Variants in TTC4 observed in about 807,000 individuals in gnomAD.
TTC4 encodes the protein tetratricopeptide repeat domain 4.
In TTC4, 36 loss-of-function variants were observed where a neutral mutation model predicts 51.9. The ratio of observed to expected loss-of-function variants is 0.69; its 90% CI spans 0.53 to 0.92. TTC4 has a LOEUF of 0.92. TTC4 is among the 40% of genes least tolerant of loss of function. TTC4 has a pLI of 0.00. For missense variants in TTC4, 399 were observed against 454.6 expected (o/e 0.88, Z 1.11); for synonymous variants, 144 against 164.2 (o/e 0.88, Z 0.94).
chr1:54,735,745 G>C (rs1034877731), intron 8 of TTC4, among the ~76,000 whole-genome samples: 1 of 152,140 alleles, frequency 6.6e-6, no homozygotes, highest in Admixed American at 6.5e-5. Context: ...ATATCCCATT[G>C]CTCGTCAGAT....
At chr1:54,728,031 C>T (rs1275167032) in intron 5 of TTC4, among the ~76,000 whole-genome samples, 4 of 152,162 alleles carry the variant, frequency 2.6e-5, no homozygotes, top group Admixed American at 6.5e-5. Flanking sequence ...TCGTAGCACT[C>T]GGATCACACG....
intron 6 of TTC4, 75 bp from the exon 7 acceptor site, chr1:54,731,411 T>C: frequency 7.1e-7 from 1 of 1,402,118 alleles, no homozygotes; most frequent in Non-Finnish European, 9.7e-7. Context: ...GTTTCTTTAT[T>C]TCAGTAAAAT....
At chr1:54,719,248 A>C (rs1483421812) in intron 3 of TTC4, among the ~76,000 whole-genome samples, 2 of 131,106 alleles carry the variant, frequency 1.5e-5, no homozygotes, top group South Asian at 5.8e-4. Context: ...TTTTCAACCC[A>C]CCTTCACCCC....
chr1:54,738,410 G>C (rs997848174), intron 9 of TTC4, among the ~76,000 whole-genome samples: 4 of 152,178 alleles, frequency 2.6e-5, no homozygotes, highest in Non-Finnish European at 5.9e-5. Context: ...AGTAGAGCCA[G>C]GTTCTCATTC....
intron 7 of TTC4, among the ~76,000 whole-genome samples, chr1:54,733,246 C>T (rs149009497): frequency 0.053 from 7,920 of 150,566 alleles, 534 homozygotes; most frequent in African/African-American, 0.15. Context: ...GGGAGACCCC[C>T]ATCTCTACAA....
At position 54,719,264 on chromosome 1, in the gene TTC4, C is replaced by T. The variant is rs116192901; in HGVS notation, c.391+1611C>T. On this transcript the variant is annotated intron_variant, in intron 3 of 9. Transcript: ENST00000371281. ...TTTCAACCCACCTTCACCCCCACTTCCAGAGGTACCTGGTGCCATCAGTTC... is the reference window on the plus strand; with the variant it reads ...TTTCAACCCACCTTCACCCCCACTTTCAGAGGTACCTGGTGCCATCAGTTC... Among the ~76,000 whole-genome samples, 707 of 129,330 alleles carry T rather than the reference C, an allele frequency of 5.5e-3. 11 individuals carry two copies. Among genetic ancestry groups the T allele is most frequent in the African/African-American group, 0.02 (599 of 30,400 alleles). The allele number at this position is 129,330 out of a possible 152,430, so 84.8% of individuals were successfully genotyped here.
chr1:54,734,463 G>C (rs11488182), intron 8 of TTC4, among the ~76,000 whole-genome samples: 1 of 152,012 alleles, frequency 6.6e-6, no homozygotes, highest in East Asian at 1.9e-4. Context: ...ATCTCAGATC[G>C]TTGCAACCTT....
chr1:54,731,632 G>C lies in TTC4; in HGVS notation c.828G>C (p.Trp276Cys). The C allele has an allele frequency of 6.2e-7, 1 of 1,614,112 alleles. No individual in the cohort carries two copies. ...TAGATGGCCAGGGCAGGCTGAGCTG[G>C]CCTGTGCTCTTTCTGTACCCAGAGT... ...LSLDGQGRLSWPVLFLYPEYA... is the reference protein window; with the variant it reads ...LSLDGQGRLSCPVLFLYPEYA... Residue 276 changes from tryptophan (W) to cysteine (C), a missense_variant, in exon 7 of 10, where the codon TGG (tryptophan) becomes TGC (cysteine). Around this residue, in one of 3 missense-constraint regions of TTC4, gnomAD observed 316 missense variants for 349.6 expected, o/e 0.90. Transcript: ENST00000371281.
chr1:54,725,020 C>T (rs1398123587), intron 5 of TTC4, among the ~76,000 whole-genome samples: 1 of 152,174 alleles, frequency 6.6e-6, no homozygotes, highest in East Asian at 1.9e-4. Flanking sequence ...CCACAGTAGC[C>T]TTGAAAGCCA....
chr1:54,726,767 C>T (rs12078343), intron 5 of TTC4, among the ~76,000 whole-genome samples: 14,032 of 152,140 alleles, frequency 0.092, 915 homozygotes, highest in South Asian at 0.19. Flanking sequence ...ATTAGTGTAT[C>T]AATTCAGTGT....
In TTC4 at chr1:54,722,707, G is replaced by T. The variant is rs150644291; in HGVS notation, c.502G>T (p.Ala168Ser). ...ALCHLELKHFAEAVNWCDEGL... is the reference protein window; with the variant it reads ...ALCHLELKHFSEAVNWCDEGL... ...ATGCCATCTGGAACTGAAACACTTT[G>T]CCGAGGCCGTGAACTGGTGTGATGA... The change falls in exon 5 of 10, where the codon GCC (alanine) becomes TCC (serine). Residue 168 changes from alanine to serine, a missense_variant. Coordinates refer to ENST00000371281, the MANE Select transcript of TTC4 (RefSeq NM_004623.5). The T allele has an allele frequency of 1.1e-4, 172 of 1,613,732 alleles. No homozygotes were observed. The highest frequency in any genetic ancestry group is 1.4e-4 in the Non-Finnish European group (165 of 1,179,832).
In TTC4 at chr1:54,741,632, T is replaced by C; in HGVS notation, c.*119T>C. 1.2e-6 allele frequency: 1 copy of C among 844,476 alleles called. No homozygotes were observed. Among genetic ancestry groups the C allele is most frequent in the African/African-American group, 1.7e-5 (1 of 58,914 alleles). 52.3% of individuals were successfully genotyped at this position (844,476 alleles called of 1,614,324 possible). On this transcript the variant is annotated 3_prime_UTR_variant, in exon 10 of 10. Transcript: ENST00000371281. ...TTTCTTTCCGTCACCCTGGGGATAG[T>C]CCTTCCTGGCATCGTGGTGGGGGAG...
rs774180878 is a variant in TTC4 at position 54,731,743 on chromosome 1, GTC to G, written c.896+47_896+48del. Reference sequence around the variant, plus strand: ...AGCCCTCTGCTTTTGCTTGCATGCTGTCTCTGTTTTTGTGGCAGGAGGGACGA... The same window carrying G: ...AGCCCTCTGCTTTTGCTTGCATGCTGTCTGTTTTTGTGGCAGGAGGGACGA... On this transcript the variant is annotated intron_variant, in intron 7 of 9. Coordinates refer to ENST00000371281, the MANE Select transcript of TTC4 (RefSeq NM_004623.5). The G allele has an allele frequency of 3.8e-6, 6 of 1,584,684 alleles. No individual in the cohort carries two copies. The South Asian group carries it at 5.6e-5, about 15-fold the overall frequency.
chr1:54,716,061 TCCGGACTCGTGGGGCAC>T (rs1645671335), intron 1 of TTC4, 42 bp downstream of exon 1: 1 of 1,509,464 alleles, frequency 6.6e-7, no homozygotes, highest in Non-Finnish European at 9.0e-7. Context: ...AGGGGCGTCG[TCCGGACTCGTGGGGCAC>T]CCGGGCTCTG....
chr1:54,728,493 G>T (rs1645827457), intron 6 of TTC4, 61 bp downstream of exon 6: 10 of 1,489,554 alleles, frequency 6.7e-6, no homozygotes, highest in Middle Eastern at 1.7e-4. Flanking sequence ...TGTGAAGCTT[G>T]TTGGGAACCT....
At chr1:54,736,200 G>GAGAA in intron 8 of TTC4, among the ~76,000 whole-genome samples, 1 of 135,808 alleles carries the variant, frequency 7.4e-6, no homozygotes, top group Admixed American at 6.9e-5. Context: ...GAGAGAGAGA[G>GAGAA]AGAGAGAGAG....
At chr1:54,725,576 G>T (rs188774028) in intron 5 of TTC4, among the ~76,000 whole-genome samples, 522 of 152,278 alleles carry the variant, frequency 3.4e-3, no homozygotes, top group Non-Finnish European at 4.4e-3. Flanking sequence ...GCTTCAACAT[G>T]TACACAAAGC....
chr1:54,731,759 C>T (rs1308765135), intron 7 of TTC4, 59 bp downstream of exon 7: 8 of 1,533,320 alleles, frequency 5.2e-6, no homozygotes, highest in Non-Finnish European at 7.1e-6. Flanking sequence ...GTTTTTGTGG[C>T]AGGAGGGACG....
intron 5 of TTC4, among the ~76,000 whole-genome samples, chr1:54,723,084 G>A (rs1462053930): frequency 2.0e-5 from 3 of 152,178 alleles, no homozygotes; most frequent in Non-Finnish European, 4.4e-5. Flanking sequence ...ATAAGATTAT[G>A]ATGCCATATT....
Sources: gnomAD v4.1 joint callset for allele counts (sites outside exome capture counted in the v4.1 genomes callset) on GRCh38, gnomAD v4.1.1 for gene constraint, gnomAD v4.1.1 regional missense constraint, MANE v1.5 for transcripts, NCBI Gene and HGNC (gene_info 2026-07-23, HGNC 2026-07-21) for gene names.